The following NAV2 variants were observed in gnomAD, a reference collection of about 807,000 sequenced individuals.
NAV2 encodes the protein neuron navigator 2, also known as helicase, APC down-regulated 1.
In NAV2, 54 loss-of-function variants were observed where a neutral mutation model predicts 223.2. That is an observed-to-expected ratio of 0.24 (90% confidence interval 0.19 to 0.30). The LOEUF (loss-of-function observed/expected upper bound fraction) is 0.30. Among genes scored for constraint, NAV2 ranks in the 10% least tolerant of loss-of-function variants. NAV2 has a pLI of 1.00. For synonymous variants in NAV2, 1,279 were observed against 1,239.3 expected, an observed-to-expected ratio of 1.03 and a Z score of -0.67; for missense variants, 2,806 against 3,147.5, an observed-to-expected ratio of 0.89 and a Z score of 2.60.
intron 1 of NAV2, among the ~76,000 whole-genome samples, chr11:19,570,619 G>A (rs897649523): frequency 1.3e-5 from 2 of 152,162 alleles, no homozygotes; most frequent in Non-Finnish European, 2.9e-5. Context: ...TAAAAAGTGA[G>A]CAAAGGACTT....
chr11:19,695,887 T>TAATAAAATAAAATAAAATAAAATAA (rs10522565), intron 1 of NAV2, among the ~76,000 whole-genome samples: 1,250 of 52,856 alleles, frequency 0.024, 16 homozygotes, highest in East Asian at 0.23. Context: ...CTGGATGAAA[T>TAATAAAATAAAATAAAATAAAATAA]AATAAAATAA....
At chr11:19,774,298 T>C (rs550908770) in intron 1 of NAV2, among the ~76,000 whole-genome samples, 8 of 152,306 alleles carry the variant, frequency 5.3e-5, no homozygotes, top group African/African-American at 1.9e-4. Flanking sequence ...CACCTTAGCC[T>C]TCCAAGTAGC....
chr11:20,056,810 CTG>C (rs2058390079), intron 19 of NAV2, among the ~76,000 whole-genome samples: 3 of 152,230 alleles, frequency 2.0e-5, no homozygotes. Flanking sequence ...CTTCACCTCT[CTG>C]TGCCTCTGTT....
chr11:19,544,632 G>A (rs2044437809), intron 1 of NAV2, among the ~76,000 whole-genome samples: 1 of 152,186 alleles, frequency 6.6e-6, no homozygotes, highest in Admixed American at 6.5e-5. Context: ...GAAACAGGGT[G>A]TACTGTGCAG....
At chr11:19,565,294 C>G (rs1250131414) in intron 1 of NAV2, among the ~76,000 whole-genome samples, 1 of 152,196 alleles carries the variant, frequency 6.6e-6, no homozygotes, top group African/African-American at 2.4e-5. Flanking sequence ...TCTTCCTACT[C>G]CGCACTGCCT....
intron 1 of NAV2, among the ~76,000 whole-genome samples, chr11:19,425,019 A>G (rs1000287718): frequency 6.6e-6 from 1 of 152,204 alleles, no homozygotes; most frequent in Admixed American, 6.5e-5. Context: ...ACCTGGGCAT[A>G]TACTATGCTT....
In NAV2 at chr11:20,046,596, T is replaced by TCACACACACACACACACA. The variant is rs61668060; in HGVS notation, c.3902+937_3902+954dup. 1.3e-3 allele frequency among the ~76,000 whole-genome samples: 195 copies of TCACACACACACACACACA among 145,972 alleles called. 2 individuals carry two copies. Among genetic ancestry groups the TCACACACACACACACACA allele is most frequent in the African/African-American group, 4.2e-3 (165 of 39,486 alleles). On this transcript the variant is annotated intron_variant, in intron 14 of 37. Transcript: ENST00000349880. ...TGAAATTTTAACTTCCCCCTCCCCA[T>TCACACACACACACACACA]CACACACACACACACACACACACAC...
chr11:20,092,424 C>A (rs886402562), intron 28 of NAV2, 56 bp downstream of exon 28: 6 of 1,553,040 alleles, frequency 3.9e-6, no homozygotes, highest in Non-Finnish European at 4.4e-6. Flanking sequence ...GCACCCTGAT[C>A]TCTAAGCGAG....
Position 19,530,555 on chromosome 11 carries a change from G to C in NAV2, c.75+179528G>C, listed in dbSNP as rs141414934. On this transcript the variant is annotated intron_variant, in intron 1 of 37. Coordinates refer to the NAV2 transcript ENST00000360655. ...CCCAGGGTCACCCTGCTGATGGATGGTATCACGTGGACTTGAATCCAAGTC... is the reference window on the plus strand; with the variant it reads ...CCCAGGGTCACCCTGCTGATGGATGCTATCACGTGGACTTGAATCCAAGTC... Among the ~76,000 whole-genome samples, 537 of 152,290 alleles carry C rather than the reference G, an allele frequency of 3.5e-3. 4 individuals are homozygous for C. Among genetic ancestry groups the C allele is most frequent in the African/African-American group, 0.012 (503 of 41,566 alleles).
At chr11:19,859,332 G>A (rs1028059837) in intron 3 of NAV2, among the ~76,000 whole-genome samples, 1 of 149,846 alleles carries the variant, frequency 6.7e-6, no homozygotes, top group African/African-American at 2.5e-5. Flanking sequence ...ATTAGGGAGT[G>A]GTGATGACTC....
chr11:19,897,061 T>A (rs893626524), intron 6 of NAV2, among the ~76,000 whole-genome samples: 2 of 151,852 alleles, frequency 1.3e-5, no homozygotes, highest in Non-Finnish European at 2.9e-5. Flanking sequence ...CCATAAAAAA[T>A]GATGAGTTCA....
In NAV2 at chr11:19,664,747, G is replaced by A. The variant is rs116473170; in HGVS notation, c.76-167737G>A. On this transcript the variant is annotated intron_variant, in intron 1 of 37. Coordinates refer to the NAV2 transcript ENST00000360655. Reference sequence around the variant, plus strand: ...TACCTTGAGGGCTTTACAATACCAGGAAGCCTTTGCTATGGAGGAGAATGT... The same window carrying A: ...TACCTTGAGGGCTTTACAATACCAGAAAGCCTTTGCTATGGAGGAGAATGT... Among the ~76,000 whole-genome samples, 64 of 152,288 alleles carry A rather than the reference G, an allele frequency of 4.2e-4. 1 individual carries two copies. The highest frequency in any genetic ancestry group is 1.5e-3 in the African/African-American group (61 of 41,566).
chr11:19,841,394 T>C (rs1565410326), intron 2 of NAV2, among the ~76,000 whole-genome samples: 1 of 152,234 alleles, frequency 6.6e-6, no homozygotes. Flanking sequence ...GATTCTATTA[T>C]CTTTTTCAGA....
chr11:19,735,959 G>A (rs2052253333), intron 1 of NAV2, among the ~76,000 whole-genome samples: 1 of 152,168 alleles, frequency 6.6e-6, no homozygotes, highest in South Asian at 2.1e-4. Context: ...CCAGTATGGG[G>A]GCAACATCAG....
intron 1 of NAV2, among the ~76,000 whole-genome samples, chr11:19,630,462 A>G (rs971187687): frequency 6.6e-6 from 1 of 152,222 alleles, no homozygotes; most frequent in Admixed American, 6.5e-5. Context: ...TTCCAAGAAG[A>G]CATGATGGTG....
chr11:19,994,503 G>A (rs996259362), intron 11 of NAV2, among the ~76,000 whole-genome samples: 6 of 147,738 alleles, frequency 4.1e-5, no homozygotes, highest in South Asian at 2.1e-4. Flanking sequence ...CCCAGATCAC[G>A]CCACTGCCCT....
chr11:20,042,538 T>TA (rs578207210), intron 12 of NAV2, among the ~76,000 whole-genome samples: 324 of 152,198 alleles, frequency 2.1e-3, no homozygotes, highest in African/African-American at 7.5e-3. Context: ...AAGGTGTCTG[T>TA]AATGGATGAG....
chr11:20,011,259 GT>G (rs774371732), intron 11 of NAV2, among the ~76,000 whole-genome samples: 22 of 150,890 alleles, frequency 1.5e-4, no homozygotes, highest in East Asian at 5.8e-4. Context: ...TGATTTTCTT[GT>G]TTTTTTTTAA....
intron 11 of NAV2, among the ~76,000 whole-genome samples, chr11:20,032,276 G>A (rs1194753730): frequency 6.6e-6 from 1 of 152,130 alleles, no homozygotes; most frequent in Non-Finnish European, 1.5e-5. Context: ...TTAGATCCCT[G>A]GCTTCCCCTC....
Sources: allele counts gnomAD v4.1 joint callset (sites outside exome capture counted in the v4.1 genomes callset), GRCh38; gene constraint gnomAD v4.1.1; transcripts MANE v1.5; gene names NCBI Gene and HGNC (gene_info 2026-07-23, HGNC 2026-07-21).